MAST4: variants seen among roughly 807,000 people sequenced by gnomAD.
MAST4 encodes the protein microtubule associated serine/threonine kinase family member 4, also known as microtubule-associated serine/threonine-protein kinase 4.
MAST4 carries 89 observed loss-of-function variants against 162.7 expected under a neutral mutation model. That is an observed-to-expected ratio of 0.55 (90% confidence interval 0.46 to 0.65). The LOEUF (loss-of-function observed/expected upper bound fraction) is 0.65, where lower values mean the gene tolerates loss of function less well. Among genes scored for constraint, MAST4 ranks in the 30% least tolerant of loss-of-function variants. The probability of loss-of-function intolerance (pLI) is 0.00; values close to 1 mark genes in which losing one functional copy is unlikely to be tolerated. For synonymous variants in MAST4, 1,479 were observed against 1,361.1 expected (o/e 1.09, Z -1.91); for missense variants, 3,153 against 3,374.0 (o/e 0.93, Z 1.62).
chr5:67,068,349 C>A (rs565541555), intron 5 of MAST4, among the ~76,000 whole-genome samples: 41 of 152,172 alleles, frequency 2.7e-4, no homozygotes, highest in African/African-American at 9.4e-4. Context: ...AGAAAACTTA[C>A]AATCATGGCG....
At chr5:67,068,827 A>C (rs1489460755) in intron 5 of MAST4, among the ~76,000 whole-genome samples, 1 of 152,152 alleles carries the variant, frequency 6.6e-6, no homozygotes, top group Non-Finnish European at 1.5e-5. Context: ...AGTAGTCAAG[A>C]GATAAGCAAG....
chr5:67,155,483 C>T (rs193020676), intron 26 of MAST4, among the ~76,000 whole-genome samples: 95 of 152,330 alleles, frequency 6.2e-4, no homozygotes, highest in African/African-American at 2.2e-3. Flanking sequence ...GGCCCAGTCC[C>T]ATTACCTGTT....
chr5:66,648,635 A>G (rs1746021776), intron 1 of MAST4, among the ~76,000 whole-genome samples: 1 of 152,146 alleles, frequency 6.6e-6, no homozygotes, highest in East Asian at 1.9e-4. Context: ...TAACAATCTC[A>G]AAAGAATAGA....
intron 3 of MAST4, among the ~76,000 whole-genome samples, chr5:66,885,431 A>G (rs967819573): frequency 6.6e-6 from 1 of 152,234 alleles, no homozygotes; most frequent in African/African-American, 2.4e-5. Flanking sequence ...AGCAAGAAAT[A>G]CTTTTTCTCC....
At chr5:66,869,171 T>G (rs1760746433) in intron 3 of MAST4, among the ~76,000 whole-genome samples, 1 of 152,250 alleles carries the variant, frequency 6.6e-6, no homozygotes, top group Non-Finnish European at 1.5e-5. Context: ...GGATAATTAT[T>G]TATTTACATT....
intron 1 of MAST4, among the ~76,000 whole-genome samples, chr5:66,744,984 C>T (rs999525093): frequency 3.3e-5 from 5 of 152,126 alleles, no homozygotes; most frequent in African/African-American, 1.2e-4. Context: ...ATGTACTAGG[C>T]TAAGAAAGCA....
chr5:66,614,635 C>T (rs781006290), intron 1 of MAST4, among the ~76,000 whole-genome samples: 2 of 152,118 alleles, frequency 1.3e-5, no homozygotes, highest in Non-Finnish European at 2.9e-5. Context: ...AAGGGACTTT[C>T]AATTTTCTCC....
At chr5:66,768,671 G>A (rs1754219737) in intron 2 of MAST4, among the ~76,000 whole-genome samples, 1 of 152,116 alleles carries the variant, frequency 6.6e-6, no homozygotes, top group Admixed American at 6.5e-5. Flanking sequence ...GGCTATAAAA[G>A]GGCAACATGA....
intron 3 of MAST4, among the ~76,000 whole-genome samples, chr5:66,881,139 A>G (rs1761667642): frequency 1.3e-5 from 2 of 152,176 alleles, no homozygotes; most frequent in South Asian, 4.1e-4. Context: ...AAATTTTATA[A>G]TTCTATTTTG....
chr5:66,701,254 A>G (rs1212815030), intron 1 of MAST4, among the ~76,000 whole-genome samples: 8 of 152,198 alleles, frequency 5.3e-5, no homozygotes, highest in Admixed American at 1.3e-4. Flanking sequence ...GACCTTTGAG[A>G]TAAATCATAC....
At chr5:67,008,793 TAATTGCTATGA>T (rs1446771538) in intron 4 of MAST4, among the ~76,000 whole-genome samples, 23 of 152,338 alleles carry the variant, frequency 1.5e-4, no homozygotes, top group African/African-American at 5.1e-4. Context: ...CATTACTCAG[TAATTGCTATGA>T]ACAGCAGGTA....
At chr5:66,611,454 G>T (rs1432547025) in intron 1 of MAST4, among the ~76,000 whole-genome samples, 3 of 152,228 alleles carry the variant, frequency 2.0e-5, no homozygotes, top group South Asian at 2.1e-4. Flanking sequence ...CTCCTCTCAT[G>T]AGAGGGTTAA....
intron 1 of MAST4, among the ~76,000 whole-genome samples, chr5:66,647,009 C>T (rs1422188080): frequency 6.6e-6 from 1 of 152,116 alleles, no homozygotes; most frequent in Non-Finnish European, 1.5e-5. Context: ...GATATATGCC[C>T]TCTGCTTCCA....
Position 67,166,080 on chromosome 5 carries a change from C to G in MAST4, c.6901C>G (p.Pro2301Ala). 2 of 1,613,472 alleles carry G rather than the reference C, an allele frequency of 1.2e-6. No individual in the cohort carries two copies. Among genetic ancestry groups the G allele is most frequent in the Non-Finnish European group, 1.7e-6 (2 of 1,179,678 alleles). Reference sequence around the variant, plus strand: ...GCGGCCCCTGGAGGTGCTGGAGAAGCCTGTGCATTTGCCAAGGCCGGGACA... The same window carrying G: ...GCGGCCCCTGGAGGTGCTGGAGAAGGCTGTGCATTTGCCAAGGCCGGGACA... ...GGRPLEVLEK[P>A]VHLPRPGHPG... Residue 2301 changes from proline to alanine, a missense_variant, in exon 29 of 29, where the codon CCT becomes GCT. Physicochemically the swap from Pro to Ala is conservative, Grantham distance 27. Around this residue, in one of 7 missense-constraint regions of MAST4, gnomAD observed 1,644 missense variants for 1,495.0 expected, o/e 1.10. Transcript: ENST00000403625.
chr5:66,903,860 T>C (rs1006742681), intron 4 of MAST4, among the ~76,000 whole-genome samples: 1 of 152,122 alleles, frequency 6.6e-6, no homozygotes, highest in African/African-American at 2.4e-5. Flanking sequence ...CCCTCCTAGA[T>C]TGGGAGCCTC....
At chr5:66,833,336 G>A (rs906343952) in intron 3 of MAST4, among the ~76,000 whole-genome samples, 2 of 152,138 alleles carry the variant, frequency 1.3e-5, no homozygotes, top group Non-Finnish European at 2.9e-5. Flanking sequence ...CTAGAGGCTA[G>A]GCCTAACTTC....
intron 1 of MAST4, among the ~76,000 whole-genome samples, chr5:66,674,484 T>C (rs1747824101): frequency 6.6e-6 from 1 of 152,220 alleles, no homozygotes; most frequent in African/African-American, 2.4e-5. Context: ...TTAAAGAGAC[T>C]GATAAGATGA....
chr5:67,118,772 TATG>T (rs1446652899), intron 13 of MAST4, 23 bp downstream of exon 13: 1 of 1,428,778 alleles, frequency 7.0e-7, no homozygotes, highest in Non-Finnish European at 9.6e-7. Flanking sequence ...CTTGATGAAA[TATG>T]ATGTTGGTTT....
chr5:66,649,579 T>G (rs1430008870), intron 1 of MAST4, among the ~76,000 whole-genome samples: 1 of 152,198 alleles, frequency 6.6e-6, no homozygotes, highest in African/African-American at 2.4e-5. Context: ...AATTGAACTA[T>G]TGGAGCATTC....
Sources: allele counts gnomAD v4.1 joint callset (sites outside exome capture counted in the v4.1 genomes callset), GRCh38; gene constraint gnomAD v4.1.1; regional missense constraint gnomAD v4.1.1; transcripts MANE v1.5; gene names NCBI Gene and HGNC (gene_info 2026-07-23, HGNC 2026-07-21).